ZNF717: variants seen among roughly 807,000 people sequenced by gnomAD.
ZNF717 encodes the protein zinc finger protein 717.
A neutral mutation model predicts 13.8 loss-of-function variants in ZNF717; 9 were observed. The ratio of observed to expected loss-of-function variants is 0.65; its 90% CI spans 0.39 to 1.14. The LOEUF (loss-of-function observed/expected upper bound fraction) is 1.14. Among genes scored for constraint, ZNF717 ranks in the 50% most tolerant of loss-of-function variants. The pLI, the probability that ZNF717 is intolerant of heterozygous loss-of-function variation, is 0.01. For synonymous variants in ZNF717, 327 were observed against 364.1 expected, an observed-to-expected ratio of 0.90 and a Z score of 1.16; for missense variants, 1,040 against 1,080.7, an observed-to-expected ratio of 0.96 and a Z score of 0.53.
intron 4 of ZNF717, among the ~76,000 whole-genome samples, chr3:75,722,583 G>T (rs1156733490): frequency 6.6e-6 from 1 of 152,078 alleles, no homozygotes; most frequent in Non-Finnish European, 1.5e-5. Flanking sequence ...CAGAGGCTGA[G>T]GCGGGCGGAT....
Position 75,764,068 on chromosome 3 carries a change from G to A in ZNF717, c.57+19238C>T, listed in dbSNP as rs973342548. Among the ~76,000 whole-genome samples the A allele has an allele frequency of 7.0e-4, 107 of 152,284 alleles. 1 individual carries two copies. Among genetic ancestry groups the A allele is most frequent in the Non-Finnish European group, 6.3e-4 (43 of 68,012 alleles). ...AACCCTGCCCCTGTCATTACAGAGAGACCCTACACAGGATTCCCAGATATA... is the reference window on the plus strand; with the variant it reads ...AACCCTGCCCCTGTCATTACAGAGAAACCCTACACAGGATTCCCAGATATA... On this transcript the variant is annotated intron_variant, in intron 2 of 4. Coordinates refer to ENST00000652011, the MANE Select transcript of ZNF717 (RefSeq NM_001290208.3).
At chr3:75,700,358 A>C (rs1937666034) in intron 6 of ZNF717, among the ~76,000 whole-genome samples, 1 of 152,268 alleles carries the variant, frequency 6.6e-6, no homozygotes, top group Admixed American at 6.5e-5. Context: ...ACATCACTGC[A>C]CTCCAGTCTA....
chr3:75,724,494 C>T (rs1321225927), intron 4 of ZNF717, among the ~76,000 whole-genome samples: 277 of 152,274 alleles, frequency 1.8e-3, no homozygotes, highest in African/African-American at 6.0e-3. Context: ...GCTGGGATTA[C>T]AGGTGTGAGC....
At chr3:75,762,045 C>T (rs551215134) in intron 2 of ZNF717, among the ~76,000 whole-genome samples, 285 of 140,816 alleles carry the variant, frequency 2.0e-3, no homozygotes, top group African/African-American at 6.3e-3. Context: ...CAGAGTGAGA[C>T]GCCATCTCAA....
chr3:75,715,030 G>C (rs1371969414), intron 5 of ZNF717, among the ~76,000 whole-genome samples: 4 of 152,264 alleles, frequency 2.6e-5, no homozygotes, highest in Non-Finnish European at 5.9e-5. Flanking sequence ...GTTTATAAAA[G>C]ACAGTTGAAC....
chr3:75,764,171 G>C (rs1459228200), intron 2 of ZNF717, among the ~76,000 whole-genome samples: 2 of 152,152 alleles, frequency 1.3e-5, no homozygotes. Flanking sequence ...CCAGCCCCAA[G>C]CCTGCTCCAT....
At chr3:75,778,528 A>G (rs1299675106) in intron 2 of ZNF717, among the ~76,000 whole-genome samples, 2 of 151,660 alleles carry the variant, frequency 1.3e-5, no homozygotes, top group South Asian at 4.2e-4. Context: ...TGACGTGCTA[A>G]ACCAGAAACC....
intron 2 of ZNF717, among the ~76,000 whole-genome samples, chr3:75,762,736 C>A (rs1157492894): frequency 6.6e-6 from 1 of 151,844 alleles, no homozygotes; most frequent in African/African-American, 2.4e-5. Flanking sequence ...CTCCAGGGCC[C>A]ATGAATAGGC....
chr3:75,734,283 C>T (rs1476368756), downstream of ZNF717, among the ~76,000 whole-genome samples: 1 of 151,704 alleles, frequency 6.6e-6, no homozygotes, highest in Admixed American at 6.6e-5. Context: ...CTTTGCCAGG[C>T]TGGTCTTGAA....
chr3:75,722,800 T>A (rs1226562412), intron 4 of ZNF717, among the ~76,000 whole-genome samples: 2 of 8,428 alleles, frequency 2.4e-4, no homozygotes, highest in South Asian at 3.6e-3. Flanking sequence ...TGAAACTCCA[T>A]CTCAAAAAAA....
chr3:75,771,826 G>A (rs1479947572), intron 2 of ZNF717, among the ~76,000 whole-genome samples: 3 of 152,250 alleles, frequency 2.0e-5, no homozygotes, highest in African/African-American at 4.8e-5. Context: ...CAGAGGCCCA[G>A]CAAGCCCCCC....
chr3:75,762,968 G>A (rs960626914), intron 2 of ZNF717, among the ~76,000 whole-genome samples: 9 of 152,156 alleles, frequency 5.9e-5, no homozygotes, highest in African/African-American at 2.2e-4. Flanking sequence ...AACAAATGGT[G>A]TTGGGAAAAC....
In ZNF717 at chr3:75,737,743, G is replaced by A. The variant is rs1399298665; in HGVS notation, c.1880C>T (p.Thr627Ile). The A allele has an allele frequency of 6.5e-7, 1 of 1,549,730 alleles. No individual in the cohort carries two copies. The highest frequency in any genetic ancestry group is 1.4e-5 in the African/African-American group (1 of 72,354). Residue 627 changes from threonine (T) to isoleucine (I), a missense_variant, in exon 5 of 5, where the codon ACC becomes ATC. This residue lies in a region of ZNF717 where 873 missense variants were observed against 832.8 expected (regional missense o/e 1.05). Transcript: ENST00000652011. ...RPYECNECGK[T>I]FRQKSNLSTH... The stretch of plus-strand genomic sequence containing the variant: ...GCTGAGATTTGACTTCTGACGAAAG[G>A]TTTTTCCACATTCATTACATTCATA...
In ZNF717 at chr3:75,762,896, T is replaced by C. The variant is rs1388917952; in HGVS notation, c.57+20410A>G. 2.0e-5 allele frequency among the ~76,000 whole-genome samples: 3 copies of C among 152,244 alleles called. No homozygotes were observed. The East Asian group carries it at 5.8e-4, about 29-fold the overall frequency. On this transcript the variant is annotated intron_variant, in intron 2 of 4. Transcript: ENST00000652011. ...TACCTCATAAACCAATCCTGGCATA[T>C]ATGGTCCAATGATCTTCCACAAGGA...
At chr3:75,733,778 C>CAAAAAAAAAAAA (rs56196464), downstream of ZNF717, among the ~76,000 whole-genome samples, 28 of 26,642 alleles carry the variant, frequency 1.1e-3, no homozygotes, top group African/African-American at 1.7e-3. Context: ...GACTCTATCT[C>CAAAAAAAAAAAA]AAAAAAAAAA....
intron 4 of ZNF717, among the ~76,000 whole-genome samples, chr3:75,719,243 T>G (rs1415796204): frequency 2.7e-5 from 4 of 150,320 alleles, no homozygotes; most frequent in Admixed American, 1.3e-4. Flanking sequence ...TGCAGTGAGT[T>G]GTGATTGCAC....
intron 2 of ZNF717, among the ~76,000 whole-genome samples, chr3:75,755,163 T>C (rs906551839): frequency 2.0e-5 from 3 of 152,322 alleles, no homozygotes; most frequent in Admixed American, 6.5e-5. Context: ...AAGAAACTTG[T>C]TGCCAGGAGA....
downstream of ZNF717, among the ~76,000 whole-genome samples, chr3:75,707,743 T>C (rs1937835458): frequency 6.6e-6 from 1 of 152,094 alleles, no homozygotes; most frequent in Admixed American, 6.5e-5. Context: ...ATCGGGTCAC[T>C]CCCACCCTAA....
intron 1 of ZNF717, among the ~76,000 whole-genome samples, chr3:75,784,224 T>C (rs529080278): frequency 3.7e-4 from 57 of 152,292 alleles, no homozygotes; most frequent in African/African-American, 1.2e-3. Context: ...AACATAAATA[T>C]ATCAACTACC....
Sources: allele counts gnomAD v4.1 joint callset (sites outside exome capture counted in the v4.1 genomes callset), GRCh38; gene constraint gnomAD v4.1.1; regional missense constraint gnomAD v4.1.1; transcripts MANE v1.5; gene names NCBI Gene and HGNC (gene_info 2026-07-23, HGNC 2026-07-21).